Variants in OPCML observed in about 807,000 individuals in gnomAD.
OPCML encodes the protein opioid binding protein/cell adhesion molecule like.
Under a neutral mutation model 37.8 loss-of-function variants are expected in OPCML, and 13 were observed. The ratio of observed to expected loss-of-function variants is 0.34; its 90% CI spans 0.22 to 0.55. OPCML has a LOEUF of 0.55. Ranked by LOEUF, OPCML falls within the 20% of genes least tolerant of loss-of-function variation. The pLI is 0.91. For synonymous variants in OPCML, 176 were observed against 168.8 expected (o/e 1.04, Z -0.33); for missense variants, 341 against 435.6 (o/e 0.78, Z 1.93).
chr11:132,909,297 G>GA (rs1944347558), intron 2 of OPCML, among the ~76,000 whole-genome samples: 2 of 152,236 alleles, frequency 1.3e-5, no homozygotes, highest in South Asian at 4.1e-4. Flanking sequence ...GAGTGTAACA[G>GA]AAATTTCATG....
chr11:132,687,571 T>C (rs569298070), intron 2 of OPCML, among the ~76,000 whole-genome samples: 4 of 151,754 alleles, frequency 2.6e-5, no homozygotes, highest in African/African-American at 7.2e-5. Context: ...TTCTATTATA[T>C]TCTTTTCTTT....
At chr11:132,610,996 G>A (rs955158925) in intron 3 of OPCML, among the ~76,000 whole-genome samples, 7 of 151,970 alleles carry the variant, frequency 4.6e-5, no homozygotes, top group Admixed American at 6.5e-5. Context: ...CTCATTCCTG[G>A]GACTCGAGAT....
intron 1 of OPCML, among the ~76,000 whole-genome samples, chr11:133,459,163 G>A (rs1220422306): frequency 6.6e-6 from 1 of 151,932 alleles, no homozygotes; most frequent in African/African-American, 2.4e-5. Flanking sequence ...AACAAAGATT[G>A]TCATAACTTT....
chr11:133,027,186 G>A (rs1237701949), intron 1 of OPCML, among the ~76,000 whole-genome samples: 1 of 152,214 alleles, frequency 6.6e-6, no homozygotes, highest in Non-Finnish European at 1.5e-5. Context: ...AGCATCTGAT[G>A]TTCCTGAAAC....
At chr11:132,651,607 C>T (rs776987194) in intron 3 of OPCML, among the ~76,000 whole-genome samples, 2 of 152,132 alleles carry the variant, frequency 1.3e-5, no homozygotes, top group African/African-American at 2.4e-5. Flanking sequence ...ATGTAAGGAA[C>T]GGCTGAGATA....
intron 1 of OPCML, among the ~76,000 whole-genome samples, chr11:133,032,645 T>A (rs1019734068): frequency 6.6e-6 from 1 of 152,152 alleles, no homozygotes; most frequent in Non-Finnish European, 1.5e-5. Context: ...ACAAAGTAGG[T>A]ACAGAACTCC....
chr11:133,356,996 A>T (rs1944304802), intron 1 of OPCML, among the ~76,000 whole-genome samples: 1 of 152,214 alleles, frequency 6.6e-6, no homozygotes, highest in African/African-American at 2.4e-5. Context: ...AGGGCACCCT[A>T]TGTCCATACA....
At chr11:133,099,445 T>C (rs1250181058) in intron 1 of OPCML, among the ~76,000 whole-genome samples, 1 of 140,324 alleles carries the variant, frequency 7.1e-6, no homozygotes, top group South Asian at 2.2e-4. Flanking sequence ...TTTTTTTCTT[T>C]TTTTTTTTTT....
At chr11:133,126,053 T>C (rs1208546137) in intron 1 of OPCML, among the ~76,000 whole-genome samples, 2 of 114,608 alleles carry the variant, frequency 1.7e-5, no homozygotes, top group Non-Finnish European at 3.5e-5. Context: ...CATATACACA[T>C]GTATATATAT....
intron 1 of OPCML, among the ~76,000 whole-genome samples, chr11:133,343,105 A>T (rs544756098): frequency 6.6e-6 from 1 of 152,288 alleles, no homozygotes; most frequent in Non-Finnish European, 1.5e-5. Flanking sequence ...CTGGGATTAC[A>T]GGCATGAGCC....
rs377601856 is a variant in OPCML at position 132,475,730 on chromosome 11, T to C, written c.506-38371A>G. On this transcript the variant is annotated intron_variant, in intron 4 of 7. Transcript: ENST00000524381. ...TTTCTGTTGTTTAAGCTACCCATTATGTAATATTTTCTTATGACAGCCTGC... is the reference window on the plus strand; with the variant it reads ...TTTCTGTTGTTTAAGCTACCCATTACGTAATATTTTCTTATGACAGCCTGC... Among the ~76,000 whole-genome samples, 35 of 152,350 alleles carry C rather than the reference T, an allele frequency of 2.3e-4. No individual in the cohort carries two copies. The South Asian group carries it at 6.8e-3, about 30-fold the overall frequency.
intron 2 of OPCML, among the ~76,000 whole-genome samples, chr11:132,770,538 G>A (rs1487643160): frequency 1.3e-5 from 2 of 152,112 alleles, no homozygotes; most frequent in Non-Finnish European, 2.9e-5. Flanking sequence ...GAAATAATAA[G>A]CCTTTCATGG....
chr11:132,533,700 T>C (rs2096332619), intron 3 of OPCML, among the ~76,000 whole-genome samples: 1 of 152,146 alleles, frequency 6.6e-6, no homozygotes, highest in Non-Finnish European at 1.5e-5. Flanking sequence ...GTACCTTTAC[T>C]TGTATATTTA....
chr11:133,303,784 C>CAA (rs79299582), intron 1 of OPCML, among the ~76,000 whole-genome samples: 3 of 149,216 alleles, frequency 2.0e-5, no homozygotes, highest in Non-Finnish European at 3.0e-5. Context: ...TTTGTAGAAA[C>CAA]AAAAAAAAAG....
intron 1 of OPCML, among the ~76,000 whole-genome samples, chr11:133,147,964 T>A (rs1949921736): frequency 6.6e-6 from 1 of 152,164 alleles, no homozygotes; most frequent in Admixed American, 6.5e-5. Context: ...TGCCCATCTC[T>A]CATCCCTCCC....
intron 1 of OPCML, among the ~76,000 whole-genome samples, chr11:133,297,026 C>T (rs2136555124): frequency 6.6e-6 from 1 of 152,264 alleles, no homozygotes; most frequent in South Asian, 2.1e-4. Context: ...AGTCATACCT[C>T]CATGTGCCCC....
At chr11:133,175,549 T>C (rs186591246) in intron 1 of OPCML, among the ~76,000 whole-genome samples, 110 of 150,230 alleles carry the variant, frequency 7.3e-4, no homozygotes, top group African/African-American at 2.6e-3. Flanking sequence ...GTTACATCTA[T>C]CAAGAACACA....
In OPCML at chr11:133,283,370, C is replaced by T. The variant is rs74490377; in HGVS notation, c.61+248894G>A. Among the ~76,000 whole-genome samples the T allele has an allele frequency of 1.8e-4, 27 of 151,640 alleles. 1 individual carries two copies. In the East Asian group the frequency reaches 5.1e-3, roughly 28 times the overall value. ...GCTATTTAAAAGAGTGTGGCACCTCCCCCACCCCTTGTTCCTACTCTTGCC... is the reference window on the plus strand; with the variant it reads ...GCTATTTAAAAGAGTGTGGCACCTCTCCCACCCCTTGTTCCTACTCTTGCC... On this transcript the variant is annotated intron_variant, in intron 1 of 7. Coordinates refer to ENST00000524381, the MANE Select transcript of OPCML (RefSeq NM_001012393.5).
intron 4 of OPCML, among the ~76,000 whole-genome samples, chr11:132,442,566 G>A (rs1222269842): frequency 1.3e-5 from 2 of 152,102 alleles, no homozygotes; most frequent in Non-Finnish European, 2.9e-5. Context: ...GAATACCTCT[G>A]GGGACAATTT....
Sources: allele counts gnomAD v4.1 joint callset (sites outside exome capture counted in the v4.1 genomes callset), GRCh38; gene constraint gnomAD v4.1.1; transcripts MANE v1.5; gene names NCBI Gene and HGNC (gene_info 2026-07-23, HGNC 2026-07-21).